The following ULK4 variants were observed in gnomAD, a reference collection of about 807,000 sequenced individuals.
The protein encoded by ULK4 is unc-51 like kinase 4, also known as inactive serine/threonine-protein kinase ULK4.
In ULK4, 133 loss-of-function variants were observed where a neutral mutation model predicts 160.6. The ratio of observed to expected loss-of-function variants is 0.83; its 90% confidence interval spans 0.72 to 0.96. The LOEUF (loss-of-function observed/expected upper bound fraction) is 0.96, where lower values mean the gene tolerates loss of function less well. Ranked by LOEUF, ULK4 falls within the 40% of genes least tolerant of loss-of-function variation. The pLI is 0.00. For synonymous variants in ULK4, 534 were observed against 539.8 expected (o/e 0.99, Z 0.15); for missense variants, 1,580 against 1,499.5 (o/e 1.05, Z -0.89).
At chr3:41,517,285 C>T (rs1017179328) in intron 32 of ULK4, among the ~76,000 whole-genome samples, 1 of 152,160 alleles carries the variant, frequency 6.6e-6, no homozygotes, top group African/African-American at 2.4e-5. Flanking sequence ...TCCTCCAGCA[C>T]AATTCATATA....
chr3:41,700,528 G>C (rs2036639474), intron 27 of ULK4, among the ~76,000 whole-genome samples: 1 of 152,176 alleles, frequency 6.6e-6, no homozygotes, highest in Non-Finnish European at 1.5e-5. Context: ...TGCACACTGG[G>C]TACAAATGAT....
intron 21 of ULK4, among the ~76,000 whole-genome samples, chr3:41,771,175 G>A (rs906231212): frequency 5.3e-5 from 8 of 152,024 alleles, no homozygotes; most frequent in African/African-American, 1.9e-4. Context: ...TTCTATCTTT[G>A]TCAATTATAA....
intron 17 of ULK4, among the ~76,000 whole-genome samples, chr3:41,862,793 C>G (rs1378046520): frequency 6.7e-6 from 1 of 149,514 alleles, no homozygotes; most frequent in African/African-American, 2.5e-5. Flanking sequence ...CTCCGCTCCC[C>G]CCCCCCTTTC....
intron 34 of ULK4, among the ~76,000 whole-genome samples, chr3:41,423,973 G>A (rs1201107776): frequency 1.3e-5 from 2 of 152,138 alleles, no homozygotes; most frequent in Non-Finnish European, 2.9e-5. Context: ...GACAACCTAA[G>A]ATTACGGAGT....
At chr3:41,754,256 T>A in intron 22 of ULK4, 105 bp downstream of exon 22, 3 of 1,296,844 alleles carry the variant, frequency 2.3e-6, no homozygotes, top group Non-Finnish European at 3.1e-6. Flanking sequence ...GAAAAACTCT[T>A]AAAAAAAAAT....
At chr3:41,596,090 C>T (rs1400980366) in intron 31 of ULK4, among the ~76,000 whole-genome samples, 1 of 152,168 alleles carries the variant, frequency 6.6e-6, no homozygotes, top group Non-Finnish European at 1.5e-5. Flanking sequence ...ATACTCTAGT[C>T]ATTACATCGG....
At chr3:41,832,139 C>A (rs1421475475) in intron 18 of ULK4, among the ~76,000 whole-genome samples, 1 of 152,116 alleles carries the variant, frequency 6.6e-6, no homozygotes, top group Non-Finnish European at 1.5e-5. Context: ...AACGGTTGAA[C>A]CAATGTACAT....
At chr3:41,834,198 A>G (rs1264603883) in intron 18 of ULK4, among the ~76,000 whole-genome samples, 1 of 151,930 alleles carries the variant, frequency 6.6e-6, no homozygotes, top group African/African-American at 2.4e-5. Context: ...TTGAAATACA[A>G]AATTACCTGA....
chr3:41,649,480 A>G (rs1277795849), intron 30 of ULK4, among the ~76,000 whole-genome samples: 1 of 151,056 alleles, frequency 6.6e-6, no homozygotes, highest in Non-Finnish European at 1.5e-5. Context: ...TGCCACCCCT[A>G]CGCTCAGAAG....
At chr3:41,559,025 C>G (rs113993526) in intron 32 of ULK4, among the ~76,000 whole-genome samples, 3 of 113,716 alleles carry the variant, frequency 2.6e-5, no homozygotes, top group East Asian at 5.2e-4. Context: ...ATCCCTCCCC[C>G]CTACCCCCAC....
chr3:41,501,060 A>C (rs1464276034), intron 32 of ULK4, among the ~76,000 whole-genome samples: 1 of 152,230 alleles, frequency 6.6e-6, no homozygotes, highest in Non-Finnish European at 1.5e-5. Flanking sequence ...AGATACCACT[A>C]CACAGCCACT....
In ULK4 at chr3:41,375,160, C is replaced by T. The variant is rs145371366; in HGVS notation, c.3678+22919G>A. Among the ~76,000 whole-genome samples, 669 of 152,238 alleles carry T rather than the reference C, an allele frequency of 4.4e-3. 6 individuals are homozygous for T. The highest frequency in any genetic ancestry group is 0.015 in the African/African-American group (638 of 41,538). ...GACATAAACAAATGGAAAAACATTCCATGGTCATGGATAAGAAAAATCAGT... is the reference window on the plus strand; with the variant it reads ...GACATAAACAAATGGAAAAACATTCTATGGTCATGGATAAGAAAAATCAGT... On this transcript the variant is annotated intron_variant, in intron 35 of 36. Transcript: ENST00000301831.
intron 30 of ULK4, among the ~76,000 whole-genome samples, chr3:41,636,932 C>T (rs1349043637): frequency 2.0e-5 from 3 of 152,082 alleles, no homozygotes; most frequent in African/African-American, 7.2e-5. Context: ...AAAGGACACA[C>T]TAATCTGAAC....
chr3:41,801,252 T>A (rs1322403903), intron 19 of ULK4, among the ~76,000 whole-genome samples: 1 of 152,106 alleles, frequency 6.6e-6, no homozygotes, highest in African/African-American at 2.4e-5. Context: ...ACTAAATGAT[T>A]AGTGAACATG....
intron 2 of ULK4, among the ~76,000 whole-genome samples, chr3:41,942,871 T>C (rs1020708391): frequency 6.6e-6 from 1 of 151,786 alleles, no homozygotes; most frequent in Non-Finnish European, 1.5e-5. Context: ...TTTTAACCAA[T>C]TATATGTTGA....
chr3:41,763,491 G>C (rs1330994654), intron 21 of ULK4, among the ~76,000 whole-genome samples: 2 of 152,162 alleles, frequency 1.3e-5, no homozygotes, highest in Admixed American at 6.5e-5. Context: ...ACCATTGCTG[G>C]CTTCCATATA....
intron 32 of ULK4, among the ~76,000 whole-genome samples, chr3:41,544,395 C>G (rs1691960): frequency 0.51 from 77,704 of 151,986 alleles, 19,976 homozygotes; most frequent in Middle Eastern, 0.57. Context: ...GAGCATGCCT[C>G]CAAAATTTAG....
At chr3:41,788,090 A>G (rs997844631) in intron 21 of ULK4, among the ~76,000 whole-genome samples, 1 of 152,204 alleles carries the variant, frequency 6.6e-6, no homozygotes, top group African/African-American at 2.4e-5. Context: ...CTAGACACAT[A>G]GATTTGTTAG....
chr3:41,450,153 A>T (rs1346508190), intron 34 of ULK4, among the ~76,000 whole-genome samples: 1 of 152,090 alleles, frequency 6.6e-6, no homozygotes, highest in Non-Finnish European at 1.5e-5. Context: ...TATCTAGAAT[A>T]TATACTTTGG....
Sources: allele counts gnomAD v4.1 joint callset (sites outside exome capture counted in the v4.1 genomes callset), GRCh38; gene constraint gnomAD v4.1.1; transcripts MANE v1.5; gene names NCBI Gene and HGNC (gene_info 2026-07-23, HGNC 2026-07-21).